The following ARHGEF39 variants were observed in gnomAD, a reference collection of about 807,000 sequenced individuals.
The protein encoded by ARHGEF39 is Rho guanine nucleotide exchange factor 39, also known as Rho guanine nucleotide exchange factor (GEF) 39.
A neutral mutation model predicts 47.5 loss-of-function variants in ARHGEF39; 45 were observed. That is an observed-to-expected ratio of 0.95 (90% CI 0.75 to 1.22). The LOEUF (loss-of-function observed/expected upper bound fraction) is 1.22. Ranked by LOEUF, ARHGEF39 falls within the 50% of genes most tolerant of loss-of-function variation. The pLI, the probability that ARHGEF39 is intolerant of heterozygous loss-of-function variation, is 0.00. For synonymous variants in ARHGEF39, 164 were observed against 167.8 expected (o/e 0.98, Z 0.17); for missense variants, 411 against 425.3 (o/e 0.97, Z 0.30).
intron 3 of ARHGEF39, 112 bp downstream of exon 3, chr9:35,664,260 C>T: frequency 6.6e-7 from 1 of 1,523,406 alleles, no homozygotes; most frequent in Non-Finnish European, 8.9e-7. Flanking sequence ...AAGGAACTTA[C>T]CACAGAGCTG....
chr9:35,660,498 T>A lies in ARHGEF39; in HGVS notation c.*1489A>T. ...AGAAGTCTGTGCTGGGTCGGGGGAG[T>A]TTAGGGGACAGCAGAAGATACATAA... On this transcript the variant is annotated 3_prime_UTR_variant, in exon 9 of 9. Transcript: ENST00000378387. 1 of 1,612,512 alleles carries A rather than the reference T, an allele frequency of 6.2e-7. No homozygotes were observed.
At position 35,660,550 on chromosome 9, in the gene ARHGEF39, T is replaced by TCC; in HGVS notation, c.*1435_*1436dup. The stretch of plus-strand genomic sequence containing the variant: ...CACTTCTGCCCCCTTTTTTCCCTTA[T>TCC]CCCCAGAGCAACAGCTGGCCCAGTT... On this transcript the variant is annotated 3_prime_UTR_variant, in exon 9 of 9. Coordinates refer to ENST00000378387, the MANE Select transcript of ARHGEF39 (RefSeq NM_032818.3). 6.2e-7 allele frequency: 1 copy of TCC among 1,614,078 alleles called. No individual in the cohort carries two copies. The highest frequency in any genetic ancestry group is 8.5e-7 in the Non-Finnish European group (1 of 1,179,996).
intron 4 of ARHGEF39, among the ~76,000 whole-genome samples, chr9:35,663,709 C>G (rs1197460547): frequency 6.6e-6 from 1 of 152,134 alleles, no homozygotes; most frequent in Non-Finnish European, 1.5e-5. Flanking sequence ...AACCCAGAGA[C>G]AGAAATTCTA....
In ARHGEF39 at chr9:35,662,649, G is replaced by A. The variant is rs1466303905; in HGVS notation, c.766C>T (p.Leu256Phe). Residue 256 changes from leucine to phenylalanine, a missense_variant, in exon 7 of 9, where the codon CTC (leucine) becomes TTC (phenylalanine). By Grantham distance (22) the Leu-to-Phe change is conservative (BLOSUM62 0). Transcript: ENST00000378387. ...AGTGGAGGCCGAGGCTTGGCCATGA[G>A]GAGCACATCAGTGAAGAGGAAGAAC... ...RMFFLFTDVL[L>F]MAKPRPPLHL... 11 of 1,612,512 alleles carry A rather than the reference G, an allele frequency of 6.8e-6. No individual in the cohort carries two copies. The Admixed American group carries it at 1.7e-4, about 25-fold the overall frequency.
Position 35,661,219 on chromosome 9 carries a change from G to A in ARHGEF39, c.*768C>T. On this transcript the variant is annotated 3_prime_UTR_variant, in exon 9 of 9. Transcript: ENST00000378387. ...GCTCCTGTGTGTTTTTTCGATCCTAGTTGGTTGTACACACCCATACTAGGT... is the reference window on the plus strand; with the variant it reads ...GCTCCTGTGTGTTTTTTCGATCCTAATTGGTTGTACACACCCATACTAGGT... The A allele has an allele frequency of 6.5e-7, 1 of 1,534,242 alleles. No homozygotes were observed. The highest frequency in any genetic ancestry group is 8.9e-7 in the Non-Finnish European group (1 of 1,127,980).
rs756938957 is a variant in ARHGEF39 at position 35,662,996 on chromosome 9, C to T, written c.623G>A (p.Arg208Gln). 23 of 1,610,310 alleles carry T rather than the reference C, an allele frequency of 1.4e-5. No homozygotes were observed. In the Admixed American group the frequency reaches 1.5e-4, roughly 11 times the overall value. Residue 208 changes from arginine (R) to glutamine (Q), a missense_variant, in exon 6 of 9, where the codon CGG becomes CAG. Coordinates refer to ENST00000378387, the MANE Select transcript of ARHGEF39 (RefSeq NM_032818.3). The stretch of plus-strand genomic sequence containing the variant: ...TCCACTGAGCAGAGCCTGGACACGC[C>T]GAAGGTGCTGGTCATTCTTCTGTTT... ...GQKQKNDQHL[R>Q]RVQALLSGRQ...
chr9:35,664,637 G>A, intron 2 of ARHGEF39, 119 bp downstream of exon 2: 2 of 1,472,052 alleles, frequency 1.4e-6, no homozygotes, highest in Non-Finnish European at 1.8e-6. Context: ...CCTGGGCCAA[G>A]GCCACAGGTG....
rs780699594 is a variant in ARHGEF39, at chr9:35,662,647, G to T, written c.768C>A (p.Leu256=). 1 of 1,612,692 alleles carries T rather than the reference G, an allele frequency of 6.2e-7. No homozygotes were observed. The highest frequency in any genetic ancestry group is 8.5e-7 in the Non-Finnish European group (1 of 1,179,458). The change falls in exon 7 of 9, where the codon CTC becomes CTA. Residue 256 remains leucine, a synonymous_variant. Coordinates refer to ENST00000378387, the MANE Select transcript of ARHGEF39 (RefSeq NM_032818.3). ...RMFFLFTDVL[L]MAKPRPPLHL... is the part of the protein sequence containing the mutation. ...GCAGTGGAGGCCGAGGCTTGGCCATGAGGAGCACATCAGTGAAGAGGAAGA... is the reference window on the plus strand; with the variant it reads ...GCAGTGGAGGCCGAGGCTTGGCCATTAGGAGCACATCAGTGAAGAGGAAGA...
At position 35,660,655 on chromosome 9, in the gene ARHGEF39, G is replaced by C. The variant is rs374048020; in HGVS notation, c.*1332C>G. On this transcript the variant is annotated 3_prime_UTR_variant, in exon 9 of 9. Coordinates refer to ENST00000378387, the MANE Select transcript of ARHGEF39 (RefSeq NM_032818.3). ...GGACCCCCTTTTTGAGCGGTGAGGA[G>C]AGCAATGATTCTGTGAATTTTTGGG... 36 of 1,614,166 alleles carry C rather than the reference G, an allele frequency of 2.2e-5. No homozygotes were observed. In the African/African-American group the frequency reaches 4.0e-4, roughly 18 times the overall value.
In ARHGEF39 at chr9:35,660,645, G is replaced by T. The variant is rs142704657; in HGVS notation, c.*1342C>A. 9 of 1,614,052 alleles carry T rather than the reference G, an allele frequency of 5.6e-6. No individual in the cohort carries two copies. The African/African-American group carries it at 1.2e-4, about 22-fold the overall frequency. Reference sequence around the variant, plus strand: ...TGGCCCAGCTGGACCCCCTTTTTGAGCGGTGAGGAGAGCAATGATTCTGTG... The same window carrying T: ...TGGCCCAGCTGGACCCCCTTTTTGATCGGTGAGGAGAGCAATGATTCTGTG... On this transcript the variant is annotated 3_prime_UTR_variant, in exon 9 of 9. Transcript: ENST00000378387.
In ARHGEF39 at chr9:35,661,029, T is replaced by TG. The variant is rs1467060376; in HGVS notation, c.*957dup. The TG allele has an allele frequency of 2.5e-5, 41 of 1,613,914 alleles. No homozygotes were observed. The highest frequency in any genetic ancestry group is 3.2e-5 in the Non-Finnish European group (38 of 1,179,990). Reference sequence around the variant, plus strand: ...TCAGGCCTGGGAGGAGCCCACAAACTGGAGCACAGAGACATGGAACCTAGC... The same window carrying TG: ...TCAGGCCTGGGAGGAGCCCACAAACTGGGAGCACAGAGACATGGAACCTAGC... On this transcript the variant is annotated 3_prime_UTR_variant, in exon 9 of 9. Coordinates refer to ENST00000378387, the MANE Select transcript of ARHGEF39 (RefSeq NM_032818.3).
rs746472349 is a variant in ARHGEF39, at chr9:35,660,663, A to G, written c.*1324T>C. ...TTTTTGAGCGGTGAGGAGAGCAATG[A>G]TTCTGTGAATTTTTGGGGAATTTGT... On this transcript the variant is annotated 3_prime_UTR_variant, in exon 9 of 9. Transcript: ENST00000378387. The G allele has an allele frequency of 1.2e-6, 2 of 1,614,124 alleles. No homozygotes were observed. Among genetic ancestry groups the G allele is most frequent in the South Asian group, 2.2e-5 (2 of 91,078 alleles).
rs202093963 is a variant in ARHGEF39 at position 35,660,807 on chromosome 9, G to A, written c.*1180C>T. 1.7e-5 allele frequency: 27 copies of A among 1,614,166 alleles called. No homozygotes were observed. Among genetic ancestry groups the A allele is most frequent in the East Asian group, 1.6e-4 (7 of 44,888 alleles). ...GAACATGAAGCTATGGACCATCCACGAGCTGCTGCAAGATAGCAAGCCGGA... is the reference window on the plus strand; with the variant it reads ...GAACATGAAGCTATGGACCATCCACAAGCTGCTGCAAGATAGCAAGCCGGA... On this transcript the variant is annotated 3_prime_UTR_variant, in exon 9 of 9. Coordinates refer to ENST00000378387, the MANE Select transcript of ARHGEF39 (RefSeq NM_032818.3).
rs896200450 is a variant in ARHGEF39, at chr9:35,661,418, C to G, written c.*569G>C. On this transcript the variant is annotated 3_prime_UTR_variant, in exon 9 of 9. Coordinates refer to ENST00000378387, the MANE Select transcript of ARHGEF39 (RefSeq NM_032818.3). ...AAAAATCCCTTTTCTCATAGCAAAA[C>G]TGAGACAGAAGGGTCTTTCCCAAAA... is the stretch of plus-strand genomic sequence containing the variant. 2.2e-6 allele frequency: 1 copy of G among 456,902 alleles called. No homozygotes were observed. The highest frequency in any genetic ancestry group is 3.8e-6 in the Non-Finnish European group (1 of 260,354). 28.3% of individuals were successfully genotyped at this position (456,902 alleles called of 1,614,324 possible).
In ARHGEF39 at chr9:35,665,093, G is replaced by A; in HGVS notation, c.77C>T (p.Thr26Ile). The A allele has an allele frequency of 1.3e-6, 2 of 1,552,092 alleles. No homozygotes were observed. Among genetic ancestry groups the A allele is most frequent in the Admixed American group, 2.0e-5 (1 of 51,134 alleles). ...CTCGGTCTCTAGCAGCTCCCGGGCG[G>A]TGCAGGCGCGTTTCCGCTCCCAGCG... ...RARWERKRACTARELLETERR... is the reference protein window; with the variant it reads ...RARWERKRACIARELLETERR... The change falls in exon 1 of 9, where the codon ACC becomes ATC. Residue 26 changes from threonine to isoleucine, a missense_variant. Physicochemically the swap from Thr to Ile is moderately conservative, Grantham distance 89. Transcript: ENST00000378387.
intron 1 of ARHGEF39, 30 bp from the exon 2 acceptor site, chr9:35,664,880 C>A: frequency 6.3e-7 from 1 of 1,598,434 alleles, no homozygotes; most frequent in Non-Finnish European, 8.5e-7. Flanking sequence ...TGGTTCTTAG[C>A]CTAGAGGAAG....
At chr9:35,664,227 G>T in intron 3 of ARHGEF39, 101 bp from the exon 4 acceptor site, 1 of 1,506,778 alleles carries the variant, frequency 6.6e-7, no homozygotes, top group Non-Finnish European at 9.1e-7. Context: ...CTGTGCTCCT[G>T]AGAGAAACTC....
rs554972846 is a variant in ARHGEF39, at chr9:35,659,889, G to C, written c.*2098C>G. The C allele has an allele frequency of 2.6e-5, 4 of 153,192 alleles. No homozygotes were observed. In the South Asian group the frequency reaches 8.1e-4, roughly 31 times the overall value. The allele number at this position is 153,192 out of a possible 1,614,324, so 9.5% of individuals were successfully genotyped here. A position where few individuals can be genotyped will look rare whatever the true frequency, so the allele number is the denominator to read the frequency against. ...AGATGGAGTCTCGCTCTGTCACCCA[G>C]GCTGGAGTGCAGCGGCGCAATCTCG... On this transcript the variant is annotated 3_prime_UTR_variant, in exon 9 of 9. Coordinates refer to ENST00000378387, the MANE Select transcript of ARHGEF39 (RefSeq NM_032818.3).
chr9:35,662,291 G>T (rs780116952), intron 7 of ARHGEF39, 24 bp from the exon 8 acceptor site: 2 of 1,598,816 alleles, frequency 1.3e-6, no homozygotes, highest in South Asian at 1.1e-5. Context: ...ACCTCTTAGC[G>T]CATGGCTCAG....
Sources: gnomAD v4.1 joint callset for allele counts (sites outside exome capture counted in the v4.1 genomes callset) on GRCh38, gnomAD v4.1.1 for gene constraint, MANE v1.5 for transcripts, NCBI Gene and HGNC (gene_info 2026-07-23, HGNC 2026-07-21) for gene names.